The following DTX4 variants were observed in gnomAD, a reference collection of about 807,000 sequenced individuals.
DTX4 encodes deltex E3 ubiquitin ligase 4.
DTX4 carries 28 observed loss-of-function variants against 57.6 expected under a neutral mutation model. The ratio of observed to expected loss-of-function variants is 0.49; its 90% confidence interval spans 0.36 to 0.67. DTX4 has a LOEUF of 0.67. Ranked by LOEUF, DTX4 falls within the 30% of genes least tolerant of loss-of-function variation. DTX4 has a pLI of 0.00. For missense variants in DTX4, 715 were observed against 836.8 expected (o/e 0.85, Z 1.80); for synonymous variants, 316 against 331.0 (o/e 0.95, Z 0.49).
chr11:59,180,111 C>T (rs1009153929), intron 1 of DTX4, among the ~76,000 whole-genome samples: 1 of 152,018 alleles, frequency 6.6e-6, no homozygotes, highest in African/African-American at 2.4e-5. Context: ...TCAAATCCAC[C>T]CTTTGAAGTC....
At chr11:59,182,552 G>T in intron 2 of DTX4, 90 bp downstream of exon 2, 1 of 1,430,842 alleles carries the variant, frequency 7.0e-7, no homozygotes, top group Non-Finnish European at 9.2e-7. Context: ...GGGCTGCCAA[G>T]ACTTAAGCTT....
chr11:59,204,674 A>C lies in DTX4; in HGVS notation c.1627-2A>C. ...TTTCATGTCCCACTTTTATCCCTCTAGGTTCTGAAGCTGCTGCTCGTGGCC... is the reference window on the plus strand; with the variant it reads ...TTTCATGTCCCACTTTTATCCCTCTCGGTTCTGAAGCTGCTGCTCGTGGCC... On this transcript the variant is annotated splice_acceptor_variant, in intron 8 of 8. Transcript: ENST00000227451. LOFTEE classifies it high-confidence loss of function. The C allele has an allele frequency of 6.2e-7, 1 of 1,611,050 alleles. No individual in the cohort carries two copies. Among genetic ancestry groups the C allele is most frequent in the Non-Finnish European group, 8.5e-7 (1 of 1,178,642 alleles).
At chr11:59,177,903 T>A (rs113050766) in intron 1 of DTX4, among the ~76,000 whole-genome samples, 62 of 152,332 alleles carry the variant, frequency 4.1e-4, no homozygotes, top group African/African-American at 1.4e-3. Flanking sequence ...CATGCAGGCA[T>A]AGAGAATACA....
chr11:59,199,415 C>T (rs1247994083), intron 7 of DTX4, among the ~76,000 whole-genome samples: 1 of 152,206 alleles, frequency 6.6e-6, no homozygotes, highest in Non-Finnish European at 1.5e-5. Context: ...GACTCTGCGT[C>T]ATTCCTGTTA....
rs1376421490 is a variant in DTX4 at position 59,204,952 on chromosome 11, G to A, written c.*43G>A. ...GGTGGGAGGGGCCATGGAGACTGCA[G>A]GACAGGAAGTGAGGAGAGTGAGTCA... On this transcript the variant is annotated 3_prime_UTR_variant, in exon 9 of 9. Coordinates refer to ENST00000227451, the MANE Select transcript of DTX4 (RefSeq NM_015177.2). The A allele has an allele frequency of 6.6e-7, 1 of 1,512,366 alleles. No homozygotes were observed. The highest frequency in any genetic ancestry group is 2.0e-5 in the Admixed American group (1 of 50,942). The allele number at this position is 1,512,366 out of a possible 1,614,324, so 93.7% of individuals were successfully genotyped here.
At chr11:59,179,919 C>G (rs555166079) in intron 1 of DTX4, among the ~76,000 whole-genome samples, 1 of 151,120 alleles carries the variant, frequency 6.6e-6, no homozygotes, top group East Asian at 1.9e-4. Flanking sequence ...CATACACACA[C>G]AGACACACAC....
At chr11:59,194,753 A>G (rs895515928) in intron 6 of DTX4, 7 of 186,028 alleles carry the variant, frequency 3.8e-5, no homozygotes, top group Middle Eastern at 2.2e-3. Context: ...TATGCTTTGC[A>G]GCTTCCCAGT....
At chr11:59,189,863 G>C (rs77309890) in intron 4 of DTX4, among the ~76,000 whole-genome samples, 6,980 of 152,178 alleles carry the variant, frequency 0.046, 320 homozygotes, top group African/African-American at 0.11. Flanking sequence ...CCTACCTGCA[G>C]GCAATCCGGC....
At chr11:59,196,043 TC>T (rs1453682029) in intron 7 of DTX4, among the ~76,000 whole-genome samples, 1 of 152,268 alleles carries the variant, frequency 6.6e-6, no homozygotes, top group Non-Finnish European at 1.5e-5. Flanking sequence ...TGTGGCACCT[TC>T]CTTCACACAA....
In DTX4 at chr11:59,205,119, G is replaced by C. The variant is rs1176357428; in HGVS notation, c.*210G>C. 3.7e-6 allele frequency: 2 copies of C among 543,322 alleles called. No homozygotes were observed. Among genetic ancestry groups the C allele is most frequent in the Non-Finnish European group, 6.6e-6 (2 of 302,156 alleles). 33.7% of individuals were successfully genotyped at this position (543,322 alleles called of 1,614,324 possible). A position where few individuals can be genotyped will look rare whatever the true frequency, so the allele number is the denominator to read the frequency against. On this transcript the variant is annotated 3_prime_UTR_variant, in exon 9 of 9. Coordinates refer to ENST00000227451, the MANE Select transcript of DTX4 (RefSeq NM_015177.2). ...TCATAAATCTCATCCAACACAAAGG[G>C]AGATGGGATGAGGGCCATCCTGGGT... is the stretch of plus-strand genomic sequence containing the variant.
chr11:59,189,211 C>T lies in DTX4; in HGVS notation c.1047C>T (p.Thr349=), dbSNP rs1263032401. The change falls in exon 4 of 9, where the codon ACC becomes ACT. Residue 349 remains threonine, a synonymous_variant. Transcript: ENST00000227451. Reference sequence around the variant, plus strand: ...CAGCGGGGCTGCCTGTGTGTCTCACCAGGCCACCAAAGCTGGTCCTACACC... The same window carrying T: ...CAGCGGGGCTGCCTGTGTGTCTCACTAGGCCACCAAAGCTGGTCCTACACC... ...MSAAGLPVCL[T]RPPKLVLHPP... 1.9e-6 allele frequency: 3 copies of T among 1,613,534 alleles called. No homozygotes were observed. The African/African-American group carries it at 4.0e-5, about 22-fold the overall frequency.
chr11:59,173,336 G>C (rs1862353182), intron 1 of DTX4, among the ~76,000 whole-genome samples: 1 of 152,228 alleles, frequency 6.6e-6, no homozygotes, highest in African/African-American at 2.4e-5. Context: ...TGTGGGAACT[G>C]GGGGAGGAAG....
chr11:59,185,185 C>G (rs1382839039), intron 2 of DTX4: 1 of 152,194 alleles, frequency 6.6e-6, no homozygotes, highest in Non-Finnish European at 1.5e-5. Context: ...CCCTCTAGCC[C>G]CCTCCTCTAG....
rs1862337670 is a variant in DTX4, at chr11:59,172,436, G to A, written c.-160G>A. ...CGGCCCCGGTGGATGCACGGCTGGG[G>A]AGGAGCCCATGGGCCGGAGCTGAGG... On this transcript the variant is annotated 5_prime_UTR_variant, in exon 1 of 9. Coordinates refer to ENST00000227451, the MANE Select transcript of DTX4 (RefSeq NM_015177.2). 1 of 228,210 alleles carries A rather than the reference G, an allele frequency of 4.4e-6. No individual in the cohort carries two copies. Among genetic ancestry groups the A allele is most frequent in the East Asian group, 1.4e-4 (1 of 6,906 alleles). The allele number at this position is 228,210 out of a possible 1,614,324, so 14.1% of individuals were successfully genotyped here.
intron 7 of DTX4, among the ~76,000 whole-genome samples, chr11:59,196,892 C>T (rs1242690736): frequency 6.6e-6 from 1 of 152,108 alleles, no homozygotes; most frequent in African/African-American, 2.4e-5. Context: ...AATGTAATAA[C>T]AATAGAAAGA....
chr11:59,171,998 G>A (rs1051797067), upstream of DTX4, among the ~76,000 whole-genome samples: 1 of 151,970 alleles, frequency 6.6e-6, no homozygotes, highest in Non-Finnish European at 1.5e-5. Flanking sequence ...CGCCCTGCTT[G>A]GGAGGGGTGG....
rs1453459911 is a variant in DTX4, at chr11:59,172,791, T to C, written c.196T>C (p.Phe66Leu). ...CATCGACCTGCAGTCCATGAACCAG[T>C]TCCGCCAAGACACGGGTGAGCCAGC... ...YIIDLQSMNQ[F>L]RQDTGTLRPV... is the part of the protein sequence containing the mutation. The change falls in exon 1 of 9, where the codon TTC becomes CTC. Residue 66 changes from phenylalanine to leucine, a missense_variant. Transcript: ENST00000227451. 1.3e-6 allele frequency: 2 copies of C among 1,583,962 alleles called. No individual in the cohort carries two copies. Among genetic ancestry groups the C allele is most frequent in the Non-Finnish European group, 1.7e-6 (2 of 1,165,664 alleles).
rs1222758846 is a variant in DTX4, at chr11:59,172,249, C to G, written c.-347C>G. Among the ~76,000 whole-genome samples, 1 of 152,050 alleles carries G rather than the reference C, an allele frequency of 6.6e-6. No individual in the cohort carries two copies. The highest frequency in any genetic ancestry group is 1.9e-4 in the East Asian group (1 of 5,168). Reference sequence around the variant, plus strand: ...CAGCCCCAGCTCGCGGCCGCCGGGGCTCGGGCCGCGCGCCCGCCGAGTGGC... The same window carrying G: ...CAGCCCCAGCTCGCGGCCGCCGGGGGTCGGGCCGCGCGCCCGCCGAGTGGC... On this transcript the variant is annotated 5_prime_UTR_variant, in exon 1 of 9. Coordinates refer to ENST00000227451, the MANE Select transcript of DTX4 (RefSeq NM_015177.2).
chr11:59,184,033 C>T (rs1344701310), intron 2 of DTX4, among the ~76,000 whole-genome samples: 1 of 152,248 alleles, frequency 6.6e-6, no homozygotes, highest in African/African-American at 2.4e-5. Context: ...CCCAGCTCCT[C>T]ATTGTACACA....
Sources: gnomAD v4.1 joint callset for allele counts (sites outside exome capture counted in the v4.1 genomes callset) on GRCh38, gnomAD v4.1.1 for gene constraint, MANE v1.5 for transcripts, NCBI Gene and HGNC (gene_info 2026-07-23, HGNC 2026-07-21) for gene names.